The following MYO18B variants were observed in gnomAD, a reference collection of about 807,000 sequenced individuals.
MYO18B encodes myosin XVIIIB.
Under a neutral mutation model 273.0 loss-of-function variants are expected in MYO18B, and 204 were observed. That is an observed-to-expected ratio of 0.75 (90% CI 0.67 to 0.84). The LOEUF is 0.84. MYO18B is among the 40% of genes least tolerant of loss of function. The probability of loss-of-function intolerance (pLI) is 0.00; values close to 1 mark genes in which losing one functional copy is unlikely to be tolerated. For missense variants in MYO18B, 3,212 were observed against 3,287.6 expected (o/e 0.98, Z 0.56); for synonymous variants, 1,330 against 1,305.7 (o/e 1.02, Z -0.40).
At chr22:25,759,834 A>G (rs1436502294) in intron 1 of MYO18B, among the ~76,000 whole-genome samples, 1 of 152,134 alleles carries the variant, frequency 6.6e-6, no homozygotes, top group East Asian at 1.9e-4. Flanking sequence ...TTTATTTGAC[A>G]TTCTCTAGTT....
intron 12 of MYO18B, among the ~76,000 whole-genome samples, chr22:25,818,362 G>A (rs1001092583): frequency 6.6e-6 from 1 of 152,138 alleles, no homozygotes; most frequent in South Asian, 2.1e-4. Flanking sequence ...GGTCTACATG[G>A]ATGGTTCCTT....
chr22:25,882,044 T>G (rs2091351452), intron 25 of MYO18B, among the ~76,000 whole-genome samples: 1 of 152,146 alleles, frequency 6.6e-6, no homozygotes, highest in African/African-American at 2.4e-5. Context: ...TAGGTGGCAC[T>G]TCCTCTAAGA....
chr22:25,969,842 T>C (rs1484528809), intron 39 of MYO18B, among the ~76,000 whole-genome samples: 2 of 152,236 alleles, frequency 1.3e-5, no homozygotes, highest in Non-Finnish European at 2.9e-5. Context: ...CTTCACAGCA[T>C]TGTGGGGATT....
intron 25 of MYO18B, among the ~76,000 whole-genome samples, chr22:25,887,989 C>A (rs1325448248): frequency 6.6e-6 from 1 of 152,038 alleles, no homozygotes; most frequent in Non-Finnish European, 1.5e-5. Flanking sequence ...GGGGTGTGAC[C>A]TGGGGCATTC....
chr22:25,768,079 G>A, intron 3 of MYO18B, 36 bp from the exon 4 acceptor site: 1 of 1,499,050 alleles, frequency 6.7e-7, no homozygotes, highest in Non-Finnish European at 9.0e-7. Context: ...AGGTCAGCAA[G>A]CAGCTATGTA....
chr22:25,901,439 A>G (rs1036864807), intron 29 of MYO18B: 1 of 152,126 alleles, frequency 6.6e-6, no homozygotes, highest in Non-Finnish European at 1.5e-5. Flanking sequence ...AGAGTGACAT[A>G]ACATCCAGGA....
Position 25,828,792 on chromosome 22 carries a change from C to T in MYO18B, c.2803C>T (p.His935Tyr). ...SLINRSFSSH[H>Y]LSMASIMVVD... is the part of the protein sequence containing the mutation. ...TCTCCCTAGATCCTTTTCCTCCCAC[C>T]ATCTCTCCATGGCCTCCATCATGGT... Residue 935 changes from histidine (H) to tyrosine (Y), a missense_variant, in exon 15 of 44, where the codon CAT (histidine) becomes TAT (tyrosine). His to Tyr is a moderately conservative substitution (Grantham distance 83, BLOSUM62 2). Coordinates refer to ENST00000335473, the MANE Select transcript of MYO18B (RefSeq NM_032608.7). The T allele has an allele frequency of 1.2e-6, 2 of 1,613,654 alleles. No individual in the cohort carries two copies. Among genetic ancestry groups the T allele is most frequent in the Middle Eastern group, 1.7e-4 (1 of 6,060 alleles).
chr22:25,903,571 T>TG, intron 30 of MYO18B, 60 bp from the exon 31 acceptor site: 1 of 1,521,424 alleles, frequency 6.6e-7, no homozygotes, highest in South Asian at 1.2e-5. Flanking sequence ...GAGGTATCCC[T>TG]GGGGGAGGAG....
At chr22:25,891,196 G>A in intron 26 of MYO18B, 108 bp from the exon 27 acceptor site, 1 of 840,682 alleles carries the variant, frequency 1.2e-6, no homozygotes, top group Non-Finnish European at 1.9e-6. Context: ...ATGGCTCAGG[G>A]CTGTGCAGAG....
intron 26 of MYO18B, 98 bp from the exon 27 acceptor site, chr22:25,891,206 G>A (rs1306887371): frequency 1.8e-5 from 16 of 896,158 alleles, no homozygotes; most frequent in African/African-American, 5.0e-5. Flanking sequence ...GCTGTGCAGA[G>A]GGTGGCCAAT....
intron 42 of MYO18B, among the ~76,000 whole-genome samples, chr22:26,007,523 G>A (rs901675988): frequency 2.0e-5 from 3 of 152,184 alleles, no homozygotes; most frequent in Non-Finnish European, 4.4e-5. Context: ...TACTAAAACT[G>A]CCTAAGGATT....
chr22:25,947,487 T>TACAC lies in MYO18B; in HGVS notation c.5632-172_5632-169dup, dbSNP rs57844236. 0.093 allele frequency among the ~76,000 whole-genome samples: 10,191 copies of TACAC among 110,028 alleles called. 704 individuals are homozygous for TACAC. The highest frequency in any genetic ancestry group is 0.11 in the Admixed American group (1,148 of 10,516). 72.2% of individuals were successfully genotyped at this position (110,028 alleles called of 152,430 possible). On this transcript the variant is annotated intron_variant, in intron 35 of 43. Coordinates refer to ENST00000335473, the MANE Select transcript of MYO18B (RefSeq NM_032608.7). ...ATTCATAGTCACATGTAATGCCTAATACACACACACACACACACACACACA... is the reference window on the plus strand; with the variant it reads ...ATTCATAGTCACATGTAATGCCTAATACACACACACACACACACACACACACACA...
chr22:26,031,817 C>T (rs566335355), downstream of MYO18B, among the ~76,000 whole-genome samples: 23 of 152,312 alleles, frequency 1.5e-4, no homozygotes, highest in South Asian at 3.3e-3. Context: ...TGATGGAGCA[C>T]GTTGGTGGAA....
At chr22:25,830,843 G>C (rs1467011050) in intron 15 of MYO18B, among the ~76,000 whole-genome samples, 1 of 152,210 alleles carries the variant, frequency 6.6e-6, no homozygotes, top group Non-Finnish European at 1.5e-5. Context: ...GAAGTGCAGA[G>C]AACCAGGGTT....
At chr22:25,842,492 G>A (rs1289598586) in intron 17 of MYO18B, among the ~76,000 whole-genome samples, 1 of 151,848 alleles carries the variant, frequency 6.6e-6, no homozygotes, top group Non-Finnish European at 1.5e-5. Context: ...GGCCAACATG[G>A]TGAAACCCCA....
chr22:25,970,516 G>A (rs538355999), intron 39 of MYO18B, among the ~76,000 whole-genome samples: 32 of 152,176 alleles, frequency 2.1e-4, no homozygotes, highest in East Asian at 9.7e-4. Flanking sequence ...TAAATGACTC[G>A]GAGCCCATCT....
rs192136611 is a variant in MYO18B at position 26,026,690 on chromosome 22, C to T, written c.6716C>T (p.Ser2239Leu). Residue 2239 changes from serine (S) to leucine (L), a missense_variant, in exon 43 of 44, where the codon TCG becomes TTG. Coordinates refer to ENST00000335473, the MANE Select transcript of MYO18B (RefSeq NM_032608.7). ...CGGAGTACAAATACATCCCCGCTGT[C>T]GAGGGAAAAGCTGCCCAGTCCTTCA... ...ASRSTNTSPLSREKLPSPSAA... is the reference protein window; with the variant it reads ...ASRSTNTSPLLREKLPSPSAA... The T allele has an allele frequency of 2.5e-5, 40 of 1,613,722 alleles. No homozygotes were observed. The highest frequency in any genetic ancestry group is 1.6e-4 in the Middle Eastern group (1 of 6,082).
chr22:25,890,861 G>C lies in MYO18B; in HGVS notation c.4420G>C (p.Val1474Leu). Reference protein sequence around the residue: ...RAERLQAFREVQELKSKHEQV... With the variant: ...RAERLQAFRELQELKSKHEQV... Reference sequence around the variant, plus strand: ...AGAGCGGCTACAGGCCTTCCGGGAGGTCCAGGAGCTCAAGGTGAGTGGTCA... The same window carrying C: ...AGAGCGGCTACAGGCCTTCCGGGAGCTCCAGGAGCTCAAGGTGAGTGGTCA... Residue 1474 changes from valine (V) to leucine (L), a missense_variant, in exon 26 of 44, where the codon GTC (valine) becomes CTC (leucine). Physicochemically the swap from Val to Leu is conservative, Grantham distance 32. Transcript: ENST00000335473. 1 of 1,613,786 alleles carries C rather than the reference G, an allele frequency of 6.2e-7. No homozygotes were observed. Among genetic ancestry groups the C allele is most frequent in the South Asian group, 1.1e-5 (1 of 91,042 alleles).
chr22:25,997,337 A>G (rs918805850), intron 40 of MYO18B, among the ~76,000 whole-genome samples: 6 of 149,102 alleles, frequency 4.0e-5, no homozygotes, highest in Non-Finnish European at 7.4e-5. Context: ...AAAACGAAGG[A>G]AAAAAGAAAG....
Sources: allele counts gnomAD v4.1 joint callset (sites outside exome capture counted in the v4.1 genomes callset), GRCh38; gene constraint gnomAD v4.1.1; transcripts MANE v1.5; gene names NCBI Gene and HGNC (gene_info 2026-07-23, HGNC 2026-07-21).